The following TAOK1 variants were observed in gnomAD, a reference collection of about 807,000 sequenced individuals.
TAOK1 encodes serine/threonine-protein kinase TAO1.
A neutral mutation model predicts 138.3 loss-of-function variants in TAOK1; 21 were observed. The observed-to-expected ratio is 0.15, with a 90% confidence interval of 0.11 to 0.22. The LOEUF is 0.22. TAOK1 is among the 10% of genes least tolerant of loss of function. The pLI is 1.00. For synonymous variants in TAOK1, 361 were observed against 398.4 expected (o/e 0.91, Z 1.12); for missense variants, 651 against 1,227.7 (o/e 0.53, Z 7.02).
chr17:29,526,478 C>T (rs1370133006), intron 17 of TAOK1, among the ~76,000 whole-genome samples: 1 of 151,972 alleles, frequency 6.6e-6, no homozygotes, highest in Non-Finnish European at 1.5e-5. Flanking sequence ...GGCAGTGGCG[C>T]AATCTCGGCT....
intron 13 of TAOK1, among the ~76,000 whole-genome samples, chr17:29,506,286 A>G (rs1212526382): frequency 6.6e-6 from 1 of 152,220 alleles, no homozygotes; most frequent in African/African-American, 2.4e-5. Context: ...TTCAGCCTTA[A>G]AAAGGAAAAA....
intron 1 of TAOK1, among the ~76,000 whole-genome samples, chr17:29,423,219 C>CTT (rs1318145646): frequency 1.2e-5 from 1 of 81,806 alleles, no homozygotes; most frequent in Non-Finnish European, 2.3e-5. Context: ...AATCTTTCTT[C>CTT]TTTTCTTTTT....
Position 29,494,918 on chromosome 17 carries a change from A to G in TAOK1, c.832-642A>G, listed in dbSNP as rs1567734589. Among the ~76,000 whole-genome samples, 4 of 152,136 alleles carry G rather than the reference A, an allele frequency of 2.6e-5. No individual in the cohort carries two copies. In the South Asian group the frequency reaches 8.3e-4, roughly 32 times the overall value. The stretch of plus-strand genomic sequence containing the variant: ...TCTTTCTGGAATTTACATGCTAACT[A>G]TGTATCTACAAAACATTTTATACAT... On this transcript the variant is annotated intron_variant, in intron 10 of 19. Transcript: ENST00000261716.
At chr17:29,491,967 C>G in intron 10 of TAOK1, 102 bp downstream of exon 10, 1 of 811,626 alleles carries the variant, frequency 1.2e-6, no homozygotes, top group Non-Finnish European at 2.0e-6. Flanking sequence ...CTCCTGCAGC[C>G]TTGACCTCCC....
At chr17:29,500,986 G>A (rs2153028519) in intron 12 of TAOK1, among the ~76,000 whole-genome samples, 1 of 152,182 alleles carries the variant, frequency 6.6e-6, no homozygotes. Flanking sequence ...AAAATAGAGA[G>A]TTATTGCTAA....
Position 29,543,741 on chromosome 17 carries a change from A to C in TAOK1, c.*719A>C, listed in dbSNP as rs2032357307. The C allele has an allele frequency of 6.6e-6, 1 of 152,176 alleles. No homozygotes were observed. Among genetic ancestry groups the C allele is most frequent in the Admixed American group, 6.5e-5 (1 of 15,274 alleles). 9.4% of individuals were successfully genotyped at this position (152,176 alleles called of 1,614,324 possible). On this transcript the variant is annotated 3_prime_UTR_variant, in exon 20 of 20. Coordinates refer to ENST00000261716, the MANE Select transcript of TAOK1 (RefSeq NM_020791.4). The stretch of plus-strand genomic sequence containing the variant: ...TTTTCTTTTTTCCTGAATGCGTCAT[A>C]GGCTTGTGAGTGATTTTTGTCCATT...
At chr17:29,531,250 A>C (rs998418310) in intron 18 of TAOK1, among the ~76,000 whole-genome samples, 52 of 151,328 alleles carry the variant, frequency 3.4e-4, no homozygotes, top group Admixed American at 8.6e-4. Context: ...TACAGGCATG[A>C]GCCACCACGC....
Position 29,523,705 on chromosome 17 carries a change from A to G in TAOK1, c.2148+1186A>G, listed in dbSNP as rs559542323. 1.8e-4 allele frequency among the ~76,000 whole-genome samples: 27 copies of G among 152,262 alleles called. No individual in the cohort carries two copies. The East Asian group carries it at 5.0e-3, about 28-fold the overall frequency. On this transcript the variant is annotated intron_variant, in intron 17 of 19. Transcript: ENST00000261716. ...CTGGCCCACATGAATCTTAATATAC[A>G]AAACCACCCACTATCTGTCATCGAT...
At chr17:29,411,688 T>C (rs1393888393) in intron 1 of TAOK1, among the ~76,000 whole-genome samples, 1 of 152,136 alleles carries the variant, frequency 6.6e-6, no homozygotes, top group African/African-American at 2.4e-5. Context: ...CCACTGTGCC[T>C]GGCCTACAGA....
At chr17:29,458,339 C>G (rs1034817231) in intron 2 of TAOK1, among the ~76,000 whole-genome samples, 1 of 152,118 alleles carries the variant, frequency 6.6e-6, no homozygotes, top group Non-Finnish European at 1.5e-5. Context: ...ATAATCAATT[C>G]CCAGATGTTT....
intron 13 of TAOK1, 95 bp from the exon 14 acceptor site, chr17:29,507,801 T>C: frequency 9.0e-7 from 1 of 1,111,914 alleles, no homozygotes; most frequent in Non-Finnish European, 1.3e-6. Context: ...TATTTTACAC[T>C]AATTCCCTAC....
chr17:29,428,455 C>A (rs1464628254), intron 1 of TAOK1, among the ~76,000 whole-genome samples: 1 of 152,014 alleles, frequency 6.6e-6, no homozygotes, highest in Non-Finnish European at 1.5e-5. Context: ...ACAAATACTT[C>A]TTTTTAAATA....
intron 19 of TAOK1, among the ~76,000 whole-genome samples, chr17:29,539,638 G>T (rs2032281966): frequency 6.6e-6 from 1 of 152,132 alleles, no homozygotes; most frequent in Non-Finnish European, 1.5e-5. Context: ...ATTTCTCCAT[G>T]TTGGTCAGGC....
intron 3 of TAOK1, among the ~76,000 whole-genome samples, chr17:29,471,314 T>C (rs1163854860): frequency 7.5e-6 from 1 of 133,420 alleles, no homozygotes; most frequent in Non-Finnish European, 1.6e-5. Flanking sequence ...GAAGTCTCAC[T>C]CTGTCGCCAG....
chr17:29,435,322 A>ATC (rs1220906021), intron 1 of TAOK1, among the ~76,000 whole-genome samples: 10 of 152,294 alleles, frequency 6.6e-5, no homozygotes, highest in African/African-American at 2.4e-4. Context: ...TTGGAACATG[A>ATC]TCTCTCTCTT....
Position 29,543,012 on chromosome 17 carries a change from C to G in TAOK1, c.2996C>G (p.Ser999Cys). 6.3e-7 allele frequency: 1 copy of G among 1,585,028 alleles called. No individual in the cohort carries two copies. The highest frequency in any genetic ancestry group is 8.6e-7 in the Non-Finnish European group (1 of 1,161,840). Residue 999 changes from serine to cysteine, a missense_variant, in exon 20 of 20, where the codon TCT becomes TGT. By Grantham distance (112) the Ser-to-Cys change is moderately radical (BLOSUM62 -1). Around this residue, in one of 8 missense-constraint regions of TAOK1, gnomAD observed 108 missense variants for 120.3 expected, o/e 0.90. Coordinates refer to ENST00000261716, the MANE Select transcript of TAOK1 (RefSeq NM_020791.4). ...CAAATATCCAATGGGTCACACATGTCTTATACATAACTTAATAATTGAGAG... is the reference window on the plus strand; with the variant it reads ...CAAATATCCAATGGGTCACACATGTGTTATACATAACTTAATAATTGAGAG... ...TSQISNGSHM[S>C]YT
intron 19 of TAOK1, among the ~76,000 whole-genome samples, chr17:29,541,834 A>C (rs1178487975): frequency 2.6e-5 from 4 of 152,066 alleles, no homozygotes; most frequent in Admixed American, 2.6e-4. Context: ...AATTATGCTG[A>C]TTCCTAAGGG....
At chr17:29,495,454 G>A (rs2031393118) in intron 10 of TAOK1, 106 bp from the exon 11 acceptor site, 1 of 883,122 alleles carries the variant, frequency 1.1e-6, no homozygotes, top group Non-Finnish European at 1.6e-6. Flanking sequence ...TATAGCTATA[G>A]ATTACATGCA....
intron 12 of TAOK1, among the ~76,000 whole-genome samples, chr17:29,501,358 G>T (rs1046432131): frequency 1.3e-5 from 2 of 151,432 alleles, no homozygotes; most frequent in African/African-American, 4.9e-5. Flanking sequence ...GGGAGATCAA[G>T]GCTGCAGTTA....
Sources: gnomAD v4.1 joint callset for allele counts (sites outside exome capture counted in the v4.1 genomes callset) on GRCh38, gnomAD v4.1.1 for gene constraint, gnomAD v4.1.1 regional missense constraint, MANE v1.5 for transcripts, NCBI Gene and HGNC (gene_info 2026-07-23, HGNC 2026-07-21) for gene names.